Variants in PARD3 observed in about 807,000 individuals in gnomAD.
PARD3 encodes partitioning defective 3 homolog.
A neutral mutation model predicts 155.4 loss-of-function variants in PARD3; 75 were observed. The ratio of observed to expected loss-of-function variants is 0.48; its 90% CI spans 0.40 to 0.58. PARD3 has a LOEUF of 0.58. PARD3 is among the 20% of genes least tolerant of loss of function. The probability of loss-of-function intolerance (pLI) is 0.00; values close to 1 mark genes in which losing one functional copy is unlikely to be tolerated. For missense variants in PARD3, 1,642 were observed against 1,721.7 expected, an observed-to-expected ratio of 0.95 and a Z score of 0.82; for synonymous variants, 576 against 610.5, an observed-to-expected ratio of 0.94 and a Z score of 0.83.
At chr10:34,367,407 G>C (rs1016214792) in intron 12 of PARD3, among the ~76,000 whole-genome samples, 1 of 152,166 alleles carries the variant, frequency 6.6e-6, no homozygotes, top group African/African-American at 2.4e-5. Flanking sequence ...AGTTATATAA[G>C]AAAATGTCCT....
At chr10:34,770,673 C>G (rs1300748372) in intron 1 of PARD3, among the ~76,000 whole-genome samples, 1 of 152,196 alleles carries the variant, frequency 6.6e-6, no homozygotes, top group Non-Finnish European at 1.5e-5. Flanking sequence ...GGACAGATGA[C>G]TCTCCCACCA....
At chr10:34,299,167 C>T (rs1466601635) in intron 20 of PARD3, among the ~76,000 whole-genome samples, 1 of 152,166 alleles carries the variant, frequency 6.6e-6, no homozygotes, top group African/African-American at 2.4e-5. Context: ...CAACAGAGTG[C>T]GAGGAGGAGC....
chr10:34,539,864 C>G (rs1011838820), intron 2 of PARD3, among the ~76,000 whole-genome samples: 3 of 152,206 alleles, frequency 2.0e-5, no homozygotes, highest in Non-Finnish European at 2.9e-5. Flanking sequence ...AAGAAATTGG[C>G]AAACACTACA....
chr10:34,370,476 C>T (rs1589336940), intron 12 of PARD3, among the ~76,000 whole-genome samples: 1 of 152,212 alleles, frequency 6.6e-6, no homozygotes, highest in East Asian at 1.9e-4. Flanking sequence ...GATGAGGTCT[C>T]GCTGTGTTGC....
At chr10:34,252,398 T>C (rs984444604) in intron 22 of PARD3, among the ~76,000 whole-genome samples, 6 of 151,944 alleles carry the variant, frequency 3.9e-5, no homozygotes, top group African/African-American at 1.5e-4. Context: ...CTCCTCGTCC[T>C]TCCTCTCCCT....
intron 20 of PARD3, among the ~76,000 whole-genome samples, chr10:34,290,737 T>G (rs748459749): frequency 2.6e-5 from 4 of 152,194 alleles, no homozygotes; most frequent in African/African-American, 9.7e-5. Flanking sequence ...TTGAAGACCA[T>G]GTGTTTGTAC....
chr10:34,426,119 T>C (rs2075591177), intron 5 of PARD3, among the ~76,000 whole-genome samples: 1 of 152,316 alleles, frequency 6.6e-6, no homozygotes, highest in African/African-American at 2.4e-5. Flanking sequence ...GTACAAGTAA[T>C]AGGTTTAAAA....
At chr10:34,126,628 G>A (rs1038221870) in intron 23 of PARD3, among the ~76,000 whole-genome samples, 1 of 152,114 alleles carries the variant, frequency 6.6e-6, no homozygotes, top group Non-Finnish European at 1.5e-5. Context: ...ATTCCAAGAT[G>A]CAAAAAGCTC....
intron 2 of PARD3, among the ~76,000 whole-genome samples, chr10:34,568,685 GCT>G (rs1031152022): frequency 2.0e-5 from 3 of 152,182 alleles, no homozygotes; most frequent in African/African-American, 7.2e-5. Context: ...CGATTTCCAA[GCT>G]AAAGAACAGA....
chr10:34,301,951 C>T (rs1957174545), intron 20 of PARD3, among the ~76,000 whole-genome samples: 1 of 151,886 alleles, frequency 6.6e-6, no homozygotes, highest in Non-Finnish European at 1.5e-5. Flanking sequence ...AAAGCTGCCT[C>T]ACAGTTCCTG....
Position 34,775,574 on chromosome 10 carries a change from G to C in PARD3, c.120+39302C>G, listed in dbSNP as rs556169075. Among the ~76,000 whole-genome samples the C allele has an allele frequency of 1.4e-3, 220 of 152,280 alleles. 1 individual carries two copies. Among genetic ancestry groups the C allele is most frequent in the Non-Finnish European group, 2.4e-3 (161 of 68,020 alleles). On this transcript the variant is annotated intron_variant, in intron 1 of 24. Transcript: ENST00000374788. ...CCAAGCCTGGGCAGGCAAGCAGAAT[G>C]CAAGGCTGCCAGTTCAAGGTGCCCT...
chr10:34,374,440 C>G (rs1389601303), intron 11 of PARD3, among the ~76,000 whole-genome samples: 1 of 152,006 alleles, frequency 6.6e-6, no homozygotes, highest in Non-Finnish European at 1.5e-5. Context: ...TTTCATACAA[C>G]AGTAAGGAAG....
At chr10:34,719,492 AAAGAC>A (rs1206553492) in intron 1 of PARD3, among the ~76,000 whole-genome samples, 1 of 152,196 alleles carries the variant, frequency 6.6e-6, no homozygotes, top group Non-Finnish European at 1.5e-5. Flanking sequence ...CTGTTTATCA[AAAGAC>A]TAAAATAAAT....
chr10:34,655,793 T>C (rs2093151325), intron 2 of PARD3, among the ~76,000 whole-genome samples: 1 of 152,124 alleles, frequency 6.6e-6, no homozygotes, highest in African/African-American at 2.4e-5. Context: ...TAAAAGTAAC[T>C]GGAGACCAGG....
chr10:34,420,455 A>T (rs1453672771), intron 5 of PARD3, among the ~76,000 whole-genome samples: 1 of 152,190 alleles, frequency 6.6e-6, no homozygotes. Flanking sequence ...GTATGATCTT[A>T]AAGAGGATGA....
At chr10:34,298,545 A>T (rs954823283) in intron 20 of PARD3, among the ~76,000 whole-genome samples, 6 of 152,196 alleles carry the variant, frequency 3.9e-5, no homozygotes, top group African/African-American at 1.4e-4. Context: ...AAGTAGTCAA[A>T]CTCATAGAGA....
chr10:34,287,034 G>A (rs994464591), intron 20 of PARD3, among the ~76,000 whole-genome samples: 1 of 152,096 alleles, frequency 6.6e-6, no homozygotes, highest in Non-Finnish European at 1.5e-5. Flanking sequence ...CAGGGCCAGG[G>A]AAGGAAAAGG....
At chr10:34,542,101 C>T (rs2083650885) in intron 2 of PARD3, among the ~76,000 whole-genome samples, 1 of 152,056 alleles carries the variant, frequency 6.6e-6, no homozygotes, top group Non-Finnish European at 1.5e-5. Flanking sequence ...GAAAAATATC[C>T]TCACAAACAT....
chr10:34,798,208 A>G (rs1032353519), intron 1 of PARD3, among the ~76,000 whole-genome samples: 2 of 152,120 alleles, frequency 1.3e-5, no homozygotes, highest in African/African-American at 4.8e-5. Context: ...ATGTACCTGT[A>G]GTCCTAGCTA....
Sources: gnomAD v4.1 joint callset for allele counts (sites outside exome capture counted in the v4.1 genomes callset) on GRCh38, gnomAD v4.1.1 for gene constraint, MANE v1.5 for transcripts, NCBI Gene and HGNC (gene_info 2026-07-23, HGNC 2026-07-21) for gene names.